Variants in LSAMP observed in about 807,000 individuals in gnomAD.
LSAMP encodes the protein limbic system associated membrane protein, also known as limbic system-associated membrane protein.
A neutral mutation model predicts 38.6 loss-of-function variants in LSAMP; 7 were observed. That is an observed-to-expected ratio of 0.18 (90% CI 0.10 to 0.34). The LOEUF is 0.34. Among genes scored for constraint, LSAMP ranks in the 10% least tolerant of loss-of-function variants. LSAMP has a pLI of 1.00. For missense variants in LSAMP, 313 were observed against 420.0 expected, an observed-to-expected ratio of 0.75 and a Z score of 2.23; for synonymous variants, 154 against 166.8, an observed-to-expected ratio of 0.92 and a Z score of 0.59.
At chr3:115,901,437 A>T (rs1304337652) in intron 3 of LSAMP, among the ~76,000 whole-genome samples, 1 of 152,150 alleles carries the variant, frequency 6.6e-6, no homozygotes, top group African/African-American at 2.4e-5. Context: ...GATTACAGAT[A>T]CCTATTTTCA....
chr3:115,902,185 A>G (rs547261395), intron 3 of LSAMP, among the ~76,000 whole-genome samples: 1 of 152,216 alleles, frequency 6.6e-6, no homozygotes, highest in South Asian at 2.1e-4. Context: ...CATGCATTCT[A>G]GAAGCTACCA....
Position 116,105,764 on chromosome 3 carries a change from G to C in LSAMP, c.156-19208C>G, listed in dbSNP as rs575940807. Among the ~76,000 whole-genome samples, 15 of 152,328 alleles carry C rather than the reference G, an allele frequency of 9.8e-5. No individual in the cohort carries two copies. In the East Asian group the frequency reaches 2.5e-3, roughly 25 times the overall value. ...CGTGCAAGTCACAGGGGATGCGATG[G>C]CTTGGCTTGGGCTCAGAGGCCTGAC... is the stretch of plus-strand genomic sequence containing the variant. On this transcript the variant is annotated intron_variant, in intron 1 of 6. Coordinates refer to ENST00000490035, the MANE Select transcript of LSAMP (RefSeq NM_002338.5).
intron 1 of LSAMP, among the ~76,000 whole-genome samples, chr3:116,221,361 G>C (rs559801944): frequency 1.3e-3 from 204 of 152,220 alleles, no homozygotes; most frequent in African/African-American, 4.6e-3. Flanking sequence ...TGAACTAATG[G>C]AGGCAAGTGG....
At chr3:115,931,927 A>T (rs532581237) in intron 3 of LSAMP, among the ~76,000 whole-genome samples, 2 of 152,302 alleles carry the variant, frequency 1.3e-5, no homozygotes, top group East Asian at 3.9e-4. Context: ...CAACCCTCTG[A>T]TACAGCAAAC....
chr3:116,215,038 CATT>C lies in LSAMP; in HGVS notation c.156-128485_156-128483del, dbSNP rs1027445987. On this transcript the variant is annotated intron_variant, in intron 1 of 6. Transcript: ENST00000490035. Reference sequence around the variant, plus strand: ...TTGGGTTATCTATTAATTCAATAAACATTATTAAGAACTCAGTATGTACATAAC... The same window carrying C: ...TTGGGTTATCTATTAATTCAATAAACATTAAGAACTCAGTATGTACATAAC... 2.0e-5 allele frequency among the ~76,000 whole-genome samples: 3 copies of C among 152,272 alleles called. No homozygotes were observed. The East Asian group carries it at 5.8e-4, about 29-fold the overall frequency.
chr3:116,426,312 C>A (rs143781539), intron 1 of LSAMP, among the ~76,000 whole-genome samples: 2 of 151,940 alleles, frequency 1.3e-5, no homozygotes, highest in Non-Finnish European at 2.9e-5. Flanking sequence ...TATGGTGAAA[C>A]CCCATCTCTA....
chr3:116,231,152 T>C (rs967349704), intron 1 of LSAMP, among the ~76,000 whole-genome samples: 30 of 152,198 alleles, frequency 2.0e-4, no homozygotes, highest in African/African-American at 7.2e-4. Flanking sequence ...ACCAGGCTGC[T>C]TGAAGTAATG....
chr3:115,972,038 G>A (rs957147403), intron 3 of LSAMP, among the ~76,000 whole-genome samples: 1 of 151,860 alleles, frequency 6.6e-6, no homozygotes, highest in African/African-American at 2.4e-5. Flanking sequence ...CATTTCATTA[G>A]GTTTAGCACA....
chr3:115,874,975 A>G (rs1257727138), intron 3 of LSAMP, among the ~76,000 whole-genome samples: 1 of 152,104 alleles, frequency 6.6e-6, no homozygotes, highest in Non-Finnish European at 1.5e-5. Context: ...AATAGCTGTT[A>G]TTTACCTAAG....
At chr3:115,875,666 C>A (rs942369177) in intron 3 of LSAMP, among the ~76,000 whole-genome samples, 1 of 151,926 alleles carries the variant, frequency 6.6e-6, no homozygotes, top group African/African-American at 2.4e-5. Context: ...GCAAAGCTCG[C>A]TAGATTAGGG....
chr3:116,046,715 T>C (rs1941296814), intron 2 of LSAMP, among the ~76,000 whole-genome samples: 2 of 152,218 alleles, frequency 1.3e-5, no homozygotes, highest in African/African-American at 4.8e-5. Context: ...TTGTGCATAA[T>C]AGTCTGATCC....
chr3:116,376,823 T>A (rs2048499936), intron 1 of LSAMP, among the ~76,000 whole-genome samples: 1 of 152,054 alleles, frequency 6.6e-6, no homozygotes, highest in African/African-American at 2.4e-5. Flanking sequence ...CAGTTTTTTG[T>A]CAAATCAGAA....
intron 2 of LSAMP, among the ~76,000 whole-genome samples, chr3:116,023,439 T>TAAAA (rs36091181): frequency 6.0e-5 from 8 of 133,834 alleles, no homozygotes; most frequent in African/African-American, 2.2e-4. Context: ...CTAAAAATAC[T>TAAAA]AAAAAAAAAA....
chr3:116,203,873 G>T (rs1417708852), intron 1 of LSAMP, among the ~76,000 whole-genome samples: 1 of 152,102 alleles, frequency 6.6e-6, no homozygotes, highest in African/African-American at 2.4e-5. Flanking sequence ...GTGTGCATGT[G>T]TCTTTATAGC....
chr3:116,109,260 C>T (rs551025040), intron 1 of LSAMP, among the ~76,000 whole-genome samples: 4 of 152,014 alleles, frequency 2.6e-5, no homozygotes, highest in East Asian at 1.9e-4. Context: ...AGTCACCGAA[C>T]GAAACTGTAA....
Position 116,110,535 on chromosome 3 carries a change from G to GA in LSAMP, c.156-23980dup, listed in dbSNP as rs568173908. Among the ~76,000 whole-genome samples the GA allele has an allele frequency of 8.5e-5, 13 of 152,284 alleles. No individual in the cohort carries two copies. The East Asian group carries it at 2.5e-3, about 29-fold the overall frequency. On this transcript the variant is annotated intron_variant, in intron 1 of 6. Transcript: ENST00000490035. ...GTCTCCTTTGTCTCTACCAGAAAAT[G>GA]AAAGGAATTGAAATTAAGAGAAGGG...
intron 1 of LSAMP, among the ~76,000 whole-genome samples, chr3:116,437,376 C>T (rs1216434029): frequency 1.3e-5 from 2 of 151,914 alleles, no homozygotes; most frequent in Non-Finnish European, 2.9e-5. Flanking sequence ...TAAGCAAATA[C>T]CACCTGTATC....
chr3:116,080,483 G>A (rs1474371819), intron 2 of LSAMP, among the ~76,000 whole-genome samples: 1 of 152,230 alleles, frequency 6.6e-6, no homozygotes, highest in Non-Finnish European at 1.5e-5. Context: ...AAAAGGGTTT[G>A]GAGATAGTAA....
intron 3 of LSAMP, among the ~76,000 whole-genome samples, chr3:115,983,207 T>G (rs915432068): frequency 2.6e-5 from 4 of 152,114 alleles, no homozygotes; most frequent in Admixed American, 6.6e-5. Context: ...TGACATGGTA[T>G]TTAGCCTTGT....
Sources: gnomAD v4.1 joint callset for allele counts (sites outside exome capture counted in the v4.1 genomes callset) on GRCh38, gnomAD v4.1.1 for gene constraint, MANE v1.5 for transcripts, NCBI Gene and HGNC (gene_info 2026-07-23, HGNC 2026-07-21) for gene names.